The following MLC1 variants were observed in gnomAD, a reference collection of about 807,000 sequenced individuals.
MLC1 encodes membrane protein MLC1.
Under a neutral mutation model 44.7 loss-of-function variants are expected in MLC1, and 32 were observed. The ratio of observed to expected loss-of-function variants is 0.72; its 90% CI spans 0.54 to 0.96. The LOEUF is 0.96. Ranked by LOEUF, MLC1 falls within the 40% of genes least tolerant of loss-of-function variation. The probability of loss-of-function intolerance (pLI) is 0.00; values close to 1 mark genes in which losing one functional copy is unlikely to be tolerated. For missense variants in MLC1, 459 were observed against 492.2 expected, an observed-to-expected ratio of 0.93 and a Z score of 0.64; for synonymous variants, 190 against 213.0, an observed-to-expected ratio of 0.89 and a Z score of 0.94.
chr22:50,076,960 C>T (rs1233266552), intron 6 of MLC1, 48 bp from the exon 7 acceptor site: 7 of 1,604,518 alleles, frequency 4.4e-6, no homozygotes, highest in African/African-American at 2.7e-5. Flanking sequence ...CACAGGGACT[C>T]AGCACTGCCG....
At position 50,084,828 on chromosome 22, in the gene MLC1, G is replaced by T; in HGVS notation, c.75C>A (p.Pro25=). 1 of 1,613,828 alleles carries T rather than the reference G, an allele frequency of 6.2e-7. No individual in the cohort carries two copies. Among genetic ancestry groups the T allele is most frequent in the South Asian group, 1.1e-5 (1 of 91,088 alleles). Reference sequence around the variant, plus strand: ...GCTTCGCGTCTGGGGCATAGCTGGCGGGGTCTTGCCGGCCCCGCTCCAGCG... The same window carrying T: ...GCTTCGCGTCTGGGGCATAGCTGGCTGGGTCTTGCCGGCCCCGCTCCAGCG... The part of the protein sequence containing the change: ...MPTLERGRQD[P]ASYAPDAKPS... Residue 25 remains proline, a synonymous_variant, in exon 2 of 12, where the codon CCC becomes CCA. Coordinates refer to ENST00000311597, the MANE Select transcript of MLC1 (RefSeq NM_015166.4).
Position 50,080,371 on chromosome 22 carries a change from G to A in MLC1, c.294C>T (p.Phe98=). Residue 98 remains phenylalanine (F), a synonymous_variant, in exon 4 of 12, where the codon TTC becomes TTT. Transcript: ENST00000311597. ...CATTGGCGTTCCTCCTGGAGACGGT[G>A]AAGCTCACAATTGCCGAGGGGATGC... ...GSCIPSAIVS[F]TVSRRNANVI... is the part of the protein sequence containing the mutation. 1 of 1,607,788 alleles carries A rather than the reference G, an allele frequency of 6.2e-7. No homozygotes were observed. Among genetic ancestry groups the A allele is most frequent in the Non-Finnish European group, 8.5e-7 (1 of 1,177,096 alleles).
intron 5 of MLC1, among the ~76,000 whole-genome samples, chr22:50,079,380 A>G (rs2146899571): frequency 6.6e-6 from 1 of 150,616 alleles, no homozygotes; most frequent in Non-Finnish European, 1.5e-5. Context: ...AGTGGCCAGG[A>G]CATACTCAAG....
intron 8 of MLC1, among the ~76,000 whole-genome samples, 171 bp downstream of exon 8, chr22:50,074,045 T>G (rs888815163): frequency 6.6e-6 from 1 of 152,216 alleles, no homozygotes; most frequent in Admixed American, 6.5e-5. Context: ...AGTTAATACT[T>G]TGACTCATTT....
At chr22:50,079,498 G>GTTTT (rs1231305302) in intron 5 of MLC1, among the ~76,000 whole-genome samples, 1 of 98,112 alleles carries the variant, frequency 1.0e-5, no homozygotes, top group African/African-American at 3.8e-5. Flanking sequence ...TGGGATTTTT[G>GTTTT]TCTTTTTTTT....
intron 11 of MLC1, among the ~76,000 whole-genome samples, chr22:50,063,817 GC>G (rs1569241632): frequency 7.3e-5 from 7 of 96,156 alleles, no homozygotes; most frequent in Admixed American, 1.3e-4. Context: ...CACCTGCACC[GC>G]AGGCCACTCA....
chr22:50,081,768 G>A (rs2062148293), intron 3 of MLC1, among the ~76,000 whole-genome samples: 1 of 152,252 alleles, frequency 6.6e-6, no homozygotes, highest in South Asian at 2.1e-4. Context: ...GAGGGCCCAG[G>A]GTAGAGAAGA....
Position 50,076,874 on chromosome 22 carries a change from C to T in MLC1, c.564G>A (p.Val188=). ...ATTTCAGGACCCGAGCAGGAAATGG[C>T]ACTTCGTCCAGAATGTTGGCGCTGT... ...MSDSANILDE[V]PFPARVLKSY... The change falls in exon 7 of 12, where the codon GTG becomes GTA. Residue 188 remains valine, a synonymous_variant. Transcript: ENST00000311597. 2 of 1,613,922 alleles carry T rather than the reference C, an allele frequency of 1.2e-6. No individual in the cohort carries two copies. Among genetic ancestry groups the T allele is most frequent in the Non-Finnish European group, 1.7e-6 (2 of 1,179,854 alleles).
At chr22:50,081,055 A>AAGAAAGAAAGAAAGAAAGAAAGAG (rs1569250951) in intron 3 of MLC1, among the ~76,000 whole-genome samples, 3 of 151,696 alleles carry the variant, frequency 2.0e-5, no homozygotes, top group African/African-American at 4.9e-5. Context: ...GAAAGAAAGA[A>AAGAAAGAAAGAAAGAAAGAAAGAG]AGAGGAGGTC....
Position 50,074,698 on chromosome 22 carries a change from C to T in MLC1, c.598-366G>A, listed in dbSNP as rs1459720195. On this transcript the variant is annotated intron_variant, in intron 7 of 11. Coordinates refer to ENST00000311597, the MANE Select transcript of MLC1 (RefSeq NM_015166.4). ...GCGGCGGTGCTCAGACCCTGGACCC[C>T]ATCGAAGGGACTCGGGAAAACAGGC... 5 of 325,662 alleles carry T rather than the reference C, an allele frequency of 1.5e-5. No homozygotes were observed. In the East Asian group the frequency reaches 3.0e-4, roughly 19 times the overall value. 20.2% of individuals were successfully genotyped at this position (325,662 alleles called of 1,614,324 possible). A position where few individuals can be genotyped will look rare whatever the true frequency, so the allele number is the denominator to read the frequency against.
At chr22:50,084,401 C>T (rs1029032522) in intron 2 of MLC1, among the ~76,000 whole-genome samples, 9 of 152,192 alleles carry the variant, frequency 5.9e-5, no homozygotes, top group African/African-American at 2.2e-4. Flanking sequence ...GCAGGTGACC[C>T]CTCAGAGGAC....
chr22:50,061,860 T>TCC, intron 11 of MLC1, among the ~76,000 whole-genome samples: 1 of 151,020 alleles, frequency 6.6e-6, no homozygotes, highest in African/African-American at 2.4e-5. Flanking sequence ...AACGCCTGCA[T>TCC]CCCCCCCCGC....
chr22:50,084,909 T>G lies in MLC1; in HGVS notation c.-7A>C, dbSNP rs768258412. 1 of 1,610,466 alleles carries G rather than the reference T, an allele frequency of 6.2e-7. No homozygotes were observed. The highest frequency in any genetic ancestry group is 8.5e-7 in the Non-Finnish European group (1 of 1,180,024). ...TGAATGGCTCCTGGGTCATGGCACT[T>G]GGGGACACCACAGCTGTGCTGAATG... On this transcript the variant is annotated 5_prime_UTR_variant, in exon 2 of 12. Transcript: ENST00000311597.
chr22:50,065,964 G>A (rs1490869388), intron 10 of MLC1, among the ~76,000 whole-genome samples: 1 of 152,244 alleles, frequency 6.6e-6, no homozygotes, highest in Non-Finnish European at 1.5e-5. Context: ...CGGGCAGTCA[G>A]GAGCGATGAA....
chr22:50,084,047 G>A (rs144796314), intron 2 of MLC1, among the ~76,000 whole-genome samples: 1 of 152,314 alleles, frequency 6.6e-6, no homozygotes, highest in Non-Finnish European at 1.5e-5. Flanking sequence ...CCAGGGCACA[G>A]GGAGGGGAGA....
chr22:50,069,034 C>T (rs2061787472), intron 9 of MLC1, among the ~76,000 whole-genome samples: 1 of 151,360 alleles, frequency 6.6e-6, no homozygotes, highest in Admixed American at 6.6e-5. Context: ...GCCTGCCTTT[C>T]TTTCTTTTTT....
At chr22:50,061,946 G>C (rs183916737) in intron 11 of MLC1, among the ~76,000 whole-genome samples, 24 of 152,184 alleles carry the variant, frequency 1.6e-4, no homozygotes, top group African/African-American at 5.8e-4. Flanking sequence ...GGCGGGGAGC[G>C]GGGGGAGGCC....
At chr22:50,071,044 C>T (rs1197052340) in intron 8 of MLC1, among the ~76,000 whole-genome samples, 1 of 152,098 alleles carries the variant, frequency 6.6e-6, no homozygotes, top group Non-Finnish European at 1.5e-5. Flanking sequence ...TGGTCCATGC[C>T]CAGATTCTTC....
At chr22:50,064,894 A>T (rs2061671255) in intron 10 of MLC1, among the ~76,000 whole-genome samples, 1 of 152,190 alleles carries the variant, frequency 6.6e-6, no homozygotes, top group Non-Finnish European at 1.5e-5. Context: ...AAAAAGTAAG[A>T]GAAGAAACAG....
Sources: allele counts gnomAD v4.1 joint callset (sites outside exome capture counted in the v4.1 genomes callset), GRCh38; gene constraint gnomAD v4.1.1; transcripts MANE v1.5; gene names NCBI Gene and HGNC (gene_info 2026-07-23, HGNC 2026-07-21).